Variants in SPTBN2 observed in about 807,000 individuals in gnomAD.
SPTBN2 encodes spectrin beta, non-erythrocytic 2, also known as spectrin beta chain, non-erythrocytic 2.
SPTBN2 carries 107 observed loss-of-function variants against 284.2 expected under a neutral mutation model. That is an observed-to-expected ratio of 0.38 (90% CI 0.32 to 0.44). The LOEUF is 0.44. Among genes scored for constraint, SPTBN2 ranks in the 20% least tolerant of loss-of-function variants. The probability of loss-of-function intolerance (pLI) is 1.00; values close to 1 mark genes in which losing one functional copy is unlikely to be tolerated. For synonymous variants in SPTBN2, 1,289 were observed against 1,354.8 expected (o/e 0.95, Z 1.07); for missense variants, 2,569 against 3,287.1 (o/e 0.78, Z 5.34).
chr11:66,734,110 CTTT>C (rs1429550679), upstream of SPTBN2, among the ~76,000 whole-genome samples: 1 of 149,202 alleles, frequency 6.7e-6, no homozygotes, highest in African/African-American at 2.6e-5. Context: ...AAATTTTCTT[CTTT>C]TGTTATGGGG....
chr11:66,715,887 G>T lies in SPTBN2; in HGVS notation c.252C>A (p.Asp84Glu). The T allele has an allele frequency of 6.2e-7, 1 of 1,613,996 alleles. No individual in the cohort carries two copies. The highest frequency in any genetic ancestry group is 8.5e-7 in the Non-Finnish European group (1 of 1,180,040). ...VTCRVGDLYS[D>E]LRDGRNLLRL... Reference sequence around the variant, plus strand: ...TCAGCAGGTTGCGTCCGTCCCGGAGGTCGCTGTACAGGTCCCCCACCCGGC... The same window carrying T: ...TCAGCAGGTTGCGTCCGTCCCGGAGTTCGCTGTACAGGTCCCCCACCCGGC... Residue 84 changes from aspartate to glutamate, a missense_variant, in exon 4 of 38, where the codon GAC becomes GAA. Physicochemically the swap from Asp to Glu is conservative, Grantham distance 45. Coordinates refer to ENST00000533211, the MANE Select transcript of SPTBN2 (RefSeq NM_006946.4). The surrounding 1 kb of genome is among the most constrained non-coding windows in gnomAD (Gnocchi z 5.3).
chr11:66,721,233 C>T lies in SPTBN2; in HGVS notation c.8G>A (p.Ser3Asn). The part of the protein sequence containing the change: MS[S>N]TLSPTDFDSL... Reference sequence around the variant, plus strand: ...GTCAAAGTCTGTGGGTGACAGCGTGCTGCTCATGGTGGTAGGCGGCTTCCT... The same window carrying T: ...GTCAAAGTCTGTGGGTGACAGCGTGTTGCTCATGGTGGTAGGCGGCTTCCT... Residue 3 changes from serine to asparagine, a missense_variant, in exon 3 of 38, where the codon AGC (serine) becomes AAC (asparagine). Ser to Asn is a conservative substitution (Grantham distance 46). Transcript: ENST00000533211. 1 of 1,614,182 alleles carries T rather than the reference C, an allele frequency of 6.2e-7. No individual in the cohort carries two copies. The highest frequency in any genetic ancestry group is 8.5e-7 in the Non-Finnish European group (1 of 1,180,030).
intron 1 of SPTBN2, among the ~76,000 whole-genome samples, chr11:66,725,216 A>G (rs1302677541): frequency 6.6e-6 from 1 of 152,180 alleles, no homozygotes; most frequent in African/African-American, 2.4e-5. Context: ...CAGGGCCACC[A>G]TGTTGCAACT....
chr11:66,698,874 C>T, intron 19 of SPTBN2, 89 bp from the exon 20 acceptor site: 1 of 1,601,392 alleles, frequency 6.2e-7, no homozygotes, highest in Admixed American at 1.7e-5. Flanking sequence ...GAAGTGGGCG[C>T]CTTGGGAAGA....
intron 36 of SPTBN2, 151 bp downstream of exon 36, chr11:66,686,843 C>A: frequency 9.8e-7 from 1 of 1,017,558 alleles, no homozygotes. Context: ...GAATCTCCGC[C>A]TCCCTCATCT....
In SPTBN2 at chr11:66,685,867, C is replaced by A. The variant is rs750354381; in HGVS notation, c.*4G>T. 3.1e-6 allele frequency: 5 copies of A among 1,613,536 alleles called. No homozygotes were observed. In the Admixed American group the frequency reaches 8.3e-5, roughly 27 times the overall value. ...AGGGAGTTGGCCTGGGACCTTGCCCCCAACTACTTGTTCTTCTTAAAGAAG... is the reference window on the plus strand; with the variant it reads ...AGGGAGTTGGCCTGGGACCTTGCCCACAACTACTTGTTCTTCTTAAAGAAG... On this transcript the variant is annotated 3_prime_UTR_variant, in exon 38 of 38. Transcript: ENST00000533211. The surrounding 1 kb of genome is among the most constrained non-coding windows in gnomAD (Gnocchi z 4.4).
intron 20 of SPTBN2, among the ~76,000 whole-genome samples, chr11:66,696,855 TGA>T (rs1238298927): frequency 2.0e-5 from 3 of 152,086 alleles, no homozygotes; most frequent in Non-Finnish European, 4.4e-5. Flanking sequence ...CACATTGACT[TGA>T]GTTATTTGCC....
At position 66,707,767 on chromosome 11, in the gene SPTBN2, C is replaced by T; in HGVS notation, c.1402G>A (p.Glu468Lys). The change falls in exon 13 of 38, where the codon GAA (glutamate) becomes AAA (lysine). Residue 468 changes from glutamate (E) to lysine (K), a missense_variant. Glu to Lys is a moderately conservative substitution (Grantham distance 56). This residue lies in a region of SPTBN2 where 1,012 missense variants were observed against 1,248.9 expected (regional missense o/e 0.81). Transcript: ENST00000533211. The surrounding 1 kb of genome is among the most constrained non-coding windows in gnomAD (Gnocchi z 4.9). Reference protein sequence around the residue: ...AAVEAAVRKHEAIETDIVAYS... With the variant: ...AAVEAAVRKHKAIETDIVAYS... Reference sequence around the variant, plus strand: ...GCCACGATGTCCGTCTCAATGGCTTCGTGCTTCCGTACTGCTGCCTCGACA... The same window carrying T: ...GCCACGATGTCCGTCTCAATGGCTTTGTGCTTCCGTACTGCTGCCTCGACA... 6.2e-7 allele frequency: 1 copy of T among 1,608,970 alleles called. No homozygotes were observed. The highest frequency in any genetic ancestry group is 1.3e-5 in the African/African-American group (1 of 75,054).
rs1940010365 is a variant in SPTBN2, at chr11:66,684,859, G to A, written c.*1012C>T. ...TGTGTGCTCAGCTTTCCACCACTGGGCTGAGCAGTGGCTGAGACTGGCTGG... is the reference window on the plus strand; with the variant it reads ...TGTGTGCTCAGCTTTCCACCACTGGACTGAGCAGTGGCTGAGACTGGCTGG... On this transcript the variant is annotated 3_prime_UTR_variant, in exon 38 of 38. Coordinates refer to ENST00000533211, the MANE Select transcript of SPTBN2 (RefSeq NM_006946.4). Among the ~76,000 whole-genome samples the A allele has an allele frequency of 1.3e-5, 2 of 152,266 alleles. No individual in the cohort carries two copies. The highest frequency in any genetic ancestry group is 1.9e-4 in the East Asian group (1 of 5,188).
chr11:66,723,686 T>C (rs1482377882), intron 1 of SPTBN2, among the ~76,000 whole-genome samples: 1 of 152,214 alleles, frequency 6.6e-6, no homozygotes, highest in African/African-American at 2.4e-5. Flanking sequence ...CCTAGGACTC[T>C]TCTCATTCAA....
Position 66,715,396 on chromosome 11 carries a change from C to A in SPTBN2, c.310-1G>T. 1 of 1,609,452 alleles carries A rather than the reference C, an allele frequency of 6.2e-7. No individual in the cohort carries two copies. Among genetic ancestry groups the A allele is most frequent in the Non-Finnish European group, 8.5e-7 (1 of 1,176,354 alleles). ...GCATGCGGCCCTTTGTAGGCTTTGG[C>A]TGTGGAGGGACGGGGGCAAAATGGC... On this transcript the variant is annotated splice_acceptor_variant, in intron 4 of 37. Coordinates refer to ENST00000533211, the MANE Select transcript of SPTBN2 (RefSeq NM_006946.4). LOFTEE classifies it high-confidence loss of function. The surrounding 1 kb of genome is among the most constrained non-coding windows in gnomAD (Gnocchi z 5.3).
chr11:66,726,134 T>C (rs549154863), intron 1 of SPTBN2, among the ~76,000 whole-genome samples: 4 of 152,346 alleles, frequency 2.6e-5, no homozygotes, highest in African/African-American at 9.6e-5. Context: ...TAAAGAGATA[T>C]TGAATGACTT....
At chr11:66,719,785 C>A (rs1942309948) in intron 3 of SPTBN2, among the ~76,000 whole-genome samples, 1 of 152,192 alleles carries the variant, frequency 6.6e-6, no homozygotes, top group South Asian at 2.1e-4. Context: ...CATGACAGTT[C>A]TAGAGGCTAC....
intron 1 of SPTBN2, among the ~76,000 whole-genome samples, chr11:66,742,424 CTGCCTCTAGGGTGGTATTGGGTGCTCCAT>C (rs942379133): frequency 1.3e-5 from 2 of 152,150 alleles, no homozygotes; most frequent in African/African-American, 4.8e-5. Context: ...GAGGCCTCCA[CTGCCTCTAGGGTGGTATTGGGTGCTCCAT>C]TACACCTTTA....
intron 15 of SPTBN2, 44 bp downstream of exon 15, chr11:66,704,554 C>A (rs1302735871): frequency 1.3e-6 from 2 of 1,573,892 alleles, no homozygotes; most frequent in Admixed American, 1.8e-5. Flanking sequence ...CCCCCCCACC[C>A]CCACCTCCCA....
chr11:66,696,429 C>A lies in SPTBN2; in HGVS notation c.4126G>T (p.Ala1376Ser), dbSNP rs1415291765. 6.2e-7 allele frequency: 1 copy of A among 1,613,096 alleles called. No individual in the cohort carries two copies. Among genetic ancestry groups the A allele is most frequent in the East Asian group, 2.2e-5 (1 of 44,884 alleles). Residue 1376 changes from alanine (A) to serine (S), a missense_variant, in exon 21 of 38, where the codon GCC (alanine) becomes TCC (serine). By Grantham distance (99) the Ala-to-Ser change is moderately conservative. Around this residue, in one of 6 missense-constraint regions of SPTBN2, gnomAD observed 49 missense variants for 92.6 expected, o/e 0.53. Transcript: ENST00000533211. ...DELETTTQAK[A>S]RSLFDANRAE... is the part of the protein sequence containing the mutation. ...CGGTTGGCATCAAAGAGGCTGCGGG[C>A]CTTGGCTTGGGTGGTGGTCTCCAGC...
chr11:66,704,618 G>A lies in SPTBN2; in HGVS notation c.2658C>T (p.Asp886=). 1 of 1,612,150 alleles carries A rather than the reference G, an allele frequency of 6.2e-7. No homozygotes were observed. The highest frequency in any genetic ancestry group is 8.5e-7 in the Non-Finnish European group (1 of 1,179,692). ...CCTACCTCTGCTGCACGACCTCCAG[G>A]TCCTCCAGGCGTTCAGGCAGGGCCA... ...NGLALPERLE[D]LEVVQQRFET... The change falls in exon 15 of 38, where the codon GAC becomes GAT. Residue 886 remains aspartate (D), a synonymous_variant. Coordinates refer to ENST00000533211, the MANE Select transcript of SPTBN2 (RefSeq NM_006946.4).
upstream of SPTBN2, among the ~76,000 whole-genome samples, chr11:66,731,935 T>C (rs932772878): frequency 6.6e-6 from 1 of 152,136 alleles, no homozygotes; most frequent in Middle Eastern, 3.2e-3. Context: ...CCATCAGATA[T>C]ATAACCACAA....
rs141552726 is a variant in SPTBN2, at chr11:66,701,042, A to G, written c.3057T>C (p.Thr1019=). 1.2e-5 allele frequency: 20 copies of G among 1,609,352 alleles called. No individual in the cohort carries two copies. The highest frequency in any genetic ancestry group is 3.3e-5 in the Admixed American group (2 of 59,984). ...EAIAARVGEL[T]REANALAAGH... ...CGGCAGCCAGGGCATTTGCCTCTCG[A>G]GTCAGTTCGCCCACCCGGGCGGCGA... The change falls in exon 17 of 38, where the codon ACT becomes ACC. Residue 1019 remains threonine (T), a synonymous_variant. Coordinates refer to ENST00000533211, the MANE Select transcript of SPTBN2 (RefSeq NM_006946.4).
Sources: allele counts gnomAD v4.1 joint callset (sites outside exome capture counted in the v4.1 genomes callset), GRCh38; gene constraint gnomAD v4.1.1; regional missense constraint gnomAD v4.1.1; non-coding constraint Gnocchi (gnomAD v3.1); transcripts MANE v1.5; gene names NCBI Gene and HGNC (gene_info 2026-07-23, HGNC 2026-07-21).